The following ITGA6 variants were observed in gnomAD, a reference collection of about 807,000 sequenced individuals.
The protein encoded by ITGA6 is integrin subunit alpha 6.
A neutral mutation model predicts 133.6 loss-of-function variants in ITGA6; 63 were observed. The ratio of observed to expected loss-of-function variants is 0.47; its 90% CI spans 0.38 to 0.58. The LOEUF (loss-of-function observed/expected upper bound fraction) is 0.58. Ranked by LOEUF, ITGA6 falls within the 20% of genes least tolerant of loss-of-function variation. ITGA6 has a pLI of 0.00. For synonymous variants in ITGA6, 434 were observed against 482.0 expected (o/e 0.90, Z 1.30); for missense variants, 1,068 against 1,309.4 (o/e 0.82, Z 2.85).
intron 1 of ITGA6, among the ~76,000 whole-genome samples, chr2:172,460,873 C>T (rs563999952): frequency 5.5e-4 from 83 of 152,264 alleles, no homozygotes; most frequent in Non-Finnish European, 5.4e-4. Context: ...TTTCCTCTGA[C>T]CAGCTTGCAT....
rs1462909649 is a variant in ITGA6 at position 172,505,524 on chromosome 2, G to A, written c.*1456G>A. 6.6e-6 allele frequency: 1 copy of A among 152,568 alleles called. No individual in the cohort carries two copies. The highest frequency in any genetic ancestry group is 6.5e-5 in the Admixed American group (1 of 15,284). The allele number at this position is 152,568 out of a possible 1,614,324, so 9.5% of individuals were successfully genotyped here. A position where few individuals can be genotyped will look rare whatever the true frequency, so the allele number is the denominator to read the frequency against. ...TTGTGTTTTAATTGTAAAAATGGCA[G>A]GGGGTGGAATTATTACTCTATACAT... On this transcript the variant is annotated 3_prime_UTR_variant, in exon 26 of 26. Coordinates refer to ENST00000684293, the MANE Select transcript of ITGA6 (RefSeq NM_000210.4).
intron 1 of ITGA6, among the ~76,000 whole-genome samples, chr2:172,428,775 C>A (rs1683986974): frequency 6.6e-6 from 1 of 152,146 alleles, no homozygotes; most frequent in Non-Finnish European, 1.5e-5. Context: ...GGGACAACCC[C>A]CCACCGTAGC....
chr2:172,428,544 T>TG (rs1417361675), intron 1 of ITGA6: 3 of 60,048 alleles, frequency 5.0e-5, no homozygotes, highest in Non-Finnish European at 8.1e-5. Context: ...TACATGCCTT[T>TG]GAAAAAAAAA....
chr2:172,430,631 T>C (rs1275176348), intron 1 of ITGA6, among the ~76,000 whole-genome samples: 1 of 152,238 alleles, frequency 6.6e-6, no homozygotes, highest in East Asian at 1.9e-4. Flanking sequence ...ACTCCAGTTA[T>C]GACTTTTGCA....
chr2:172,467,543 C>A lies in ITGA6; in HGVS notation c.370C>A (p.Pro124Thr). 1 of 1,613,544 alleles carries A rather than the reference C, an allele frequency of 6.2e-7. No homozygotes were observed. The highest frequency in any genetic ancestry group is 1.1e-5 in the South Asian group (1 of 91,066). ...GGGGGTCACCGTCCAGAGCCAAGGT[C>A]CAGGGGGCAAGGTCGTGGTAAGTGT... is the stretch of plus-strand genomic sequence containing the variant. The part of the protein sequence containing the change: ...WMGVTVQSQG[P>T]GGKVVTCAHR... The change falls in exon 3 of 26, where the codon CCA becomes ACA. Residue 124 changes from proline to threonine, a missense_variant. By Grantham distance (38) the Pro-to-Thr change is conservative (BLOSUM62 -1). Coordinates refer to ENST00000684293, the MANE Select transcript of ITGA6 (RefSeq NM_000210.4).
At chr2:172,484,515 G>A (rs1462541277) in intron 11 of ITGA6, among the ~76,000 whole-genome samples, 1 of 147,460 alleles carries the variant, frequency 6.8e-6, no homozygotes, top group East Asian at 1.9e-4. Flanking sequence ...AATAACTGCT[G>A]CTGCTGAAAG....
chr2:172,429,320 G>A (rs1684014491), intron 1 of ITGA6, among the ~76,000 whole-genome samples: 1 of 152,110 alleles, frequency 6.6e-6, no homozygotes, highest in African/African-American at 2.4e-5. Flanking sequence ...TTGTTAAGCT[G>A]TAAATCTGAA....
rs748327722 is a variant in ITGA6 at position 172,499,716 on chromosome 2, ATGT to A, written c.3114+1620_3114+1622del. Among the ~76,000 whole-genome samples the A allele has an allele frequency of 4.6e-5, 7 of 152,244 alleles. No individual in the cohort carries two copies. In the South Asian group the frequency reaches 8.3e-4, roughly 18 times the overall value. On this transcript the variant is annotated intron_variant, in intron 24 of 25. Coordinates refer to ENST00000684293, the MANE Select transcript of ITGA6 (RefSeq NM_000210.4). ...AGTTGGGGTTTGATATTTGAGGATG[ATGT>A]TGTGTTTTCTGGAAGAGGTCATAAG...
At chr2:172,435,443 A>T (rs1242235414) in intron 1 of ITGA6, among the ~76,000 whole-genome samples, 1 of 152,044 alleles carries the variant, frequency 6.6e-6, no homozygotes, top group East Asian at 1.9e-4. Flanking sequence ...GAACAAAGGT[A>T]TCGAAACAAT....
At chr2:172,452,014 T>C (rs1685023441) in intron 1 of ITGA6, among the ~76,000 whole-genome samples, 3 of 150,944 alleles carry the variant, frequency 2.0e-5, no homozygotes, top group East Asian at 1.9e-4. Context: ...ATTTTTACTT[T>C]GGTAATTTTA....
chr2:172,491,801 C>G lies in ITGA6; in HGVS notation c.2988+278C>G, dbSNP rs2149083128. On this transcript the variant is annotated intron_variant, in intron 23 of 25. Coordinates refer to ENST00000684293, the MANE Select transcript of ITGA6 (RefSeq NM_000210.4). This position sits in a 1 kb window ranked among gnomAD's most constrained non-coding sequence, Gnocchi z 4.4. ...GGTGCACCTCACAGCCCTCTAGAAA[C>G]CTGTGTCTTCTACCATCTCTAATGC... Among the ~76,000 whole-genome samples, 1 of 152,290 alleles carries G rather than the reference C, an allele frequency of 6.6e-6. No homozygotes were observed. Among genetic ancestry groups the G allele is most frequent in the Admixed American group, 6.5e-5 (1 of 15,298 alleles).
chr2:172,429,116 G>T (rs1206947773), intron 1 of ITGA6, among the ~76,000 whole-genome samples: 1 of 151,960 alleles, frequency 6.6e-6, no homozygotes, highest in Non-Finnish European at 1.5e-5. Context: ...GAAACCTCTT[G>T]ATTTCAGCGG....
intron 1 of ITGA6, among the ~76,000 whole-genome samples, chr2:172,442,793 C>T (rs1038655823): frequency 1.1e-4 from 17 of 152,074 alleles, no homozygotes; most frequent in African/African-American, 3.9e-4. Context: ...TGACTCTTTG[C>T]CAGCAACTGC....
rs746098353 is a variant in ITGA6 at position 172,485,165 on chromosome 2, A to G, written c.1755A>G (p.Ser585=). 206 of 1,613,700 alleles carry G rather than the reference A, an allele frequency of 1.3e-4. No homozygotes were observed. The highest frequency in any genetic ancestry group is 1.4e-4 in the Non-Finnish European group (171 of 1,179,702). Residue 585 remains serine (S), a synonymous_variant, in exon 13 of 26, where the codon TCA becomes TCG. Coordinates refer to ENST00000684293, the MANE Select transcript of ITGA6 (RefSeq NM_000210.4). ...TGCGTCCCATTCCCATAACTGCCTCAGTGGAGATCCAAGAGCCAAGCTCTC... is the reference window on the plus strand; with the variant it reads ...TGCGTCCCATTCCCATAACTGCCTCGGTGGAGATCCAAGAGCCAAGCTCTC... ...DKLRPIPITA[S]VEIQEPSSRR...
At chr2:172,428,122 C>A in intron 1 of ITGA6, 152 bp downstream of exon 1, 1 of 614,206 alleles carries the variant, frequency 1.6e-6, no homozygotes, top group Non-Finnish European at 2.3e-6. Context: ...CCAGCGCGCT[C>A]GGCTCCCCGC....
Position 172,491,210 on chromosome 2 carries a change from T to C in ITGA6, c.2779-11T>C. ...ATGTCTTTTGATGACCATTCTTCTT[T>C]TTCTCTCTAGAACTGTAGCGTGAAC... On this transcript the variant is annotated splice_polypyrimidine_tract_variant and intron_variant, in intron 21 of 25. Coordinates refer to ENST00000684293, the MANE Select transcript of ITGA6 (RefSeq NM_000210.4). This position sits in a 1 kb window ranked among gnomAD's most constrained non-coding sequence, Gnocchi z 4.4. 1 of 1,580,030 alleles carries C rather than the reference T, an allele frequency of 6.3e-7. No individual in the cohort carries two copies. The highest frequency in any genetic ancestry group is 1.3e-5 in the African/African-American group (1 of 74,206).
chr2:172,460,093 G>C (rs1016095823), intron 1 of ITGA6, among the ~76,000 whole-genome samples: 6 of 152,324 alleles, frequency 3.9e-5, no homozygotes, highest in Middle Eastern at 3.4e-3. Context: ...CTTAATGCTA[G>C]GAACAGTTTC....
chr2:172,489,617 A>G lies in ITGA6; in HGVS notation c.2638A>G (p.Thr880Ala). The stretch of plus-strand genomic sequence containing the variant: ...AGAATCCAAAGGATTGGAAAAGGTA[A>G]CTTGTGAGCCACAAAAGGAGATAAA... ...KVESKGLEKV[T>A]CEPQKEINSL... The change falls in exon 20 of 26, where the codon ACT becomes GCT. Residue 880 changes from threonine to alanine, a missense_variant. By Grantham distance (58) the Thr-to-Ala change is moderately conservative. Transcript: ENST00000684293. The G allele has an allele frequency of 6.2e-7, 1 of 1,614,138 alleles. No homozygotes were observed.
intron 24 of ITGA6, among the ~76,000 whole-genome samples, chr2:172,499,093 T>C (rs1242994571): frequency 2.6e-5 from 4 of 152,206 alleles, no homozygotes; most frequent in African/African-American, 7.2e-5. Flanking sequence ...TTTCTTTTCA[T>C]TGGATCCAAA....
Sources: gnomAD v4.1 joint callset for allele counts (sites outside exome capture counted in the v4.1 genomes callset) on GRCh38, gnomAD v4.1.1 for gene constraint, Gnocchi (gnomAD v3.1) non-coding constraint, MANE v1.5 for transcripts, NCBI Gene and HGNC (gene_info 2026-07-23, HGNC 2026-07-21) for gene names.